The following PSMA2 variants were observed in gnomAD, a reference collection of about 807,000 sequenced individuals.
PSMA2 encodes the protein proteasome 20S subunit alpha 2.
Under a neutral mutation model 35.9 loss-of-function variants are expected in PSMA2, and 2 were observed. The ratio of observed to expected loss-of-function variants is 0.06; its 90% CI spans 0.02 to 0.18. PSMA2 has a LOEUF of 0.18. PSMA2 is among the 10% of genes least tolerant of loss of function. The pLI is 1.00. For synonymous variants in PSMA2, 97 were observed against 98.2 expected (o/e 0.99, Z 0.07); for missense variants, 126 against 278.8 (o/e 0.45, Z 3.90).
rs1228085845 is a variant in PSMA2, at chr7:42,917,495, T to A, written c.*79A>T. On this transcript the variant is annotated 3_prime_UTR_variant, in exon 8 of 8. Coordinates refer to ENST00000223321, the MANE Select transcript of PSMA2 (RefSeq NM_002787.5). The stretch of plus-strand genomic sequence containing the variant: ...CATGTAGAAATAAGTATGCAAAAAG[T>A]CTGCAAAACAAAACATACTTTAAAC... The A allele has an allele frequency of 9.2e-7, 1 of 1,092,080 alleles. No homozygotes were observed. The highest frequency in any genetic ancestry group is 2.0e-5 in the Admixed American group (1 of 50,818). 67.6% of individuals were successfully genotyped at this position (1,092,080 alleles called of 1,614,324 possible).
intron 6 of PSMA2, chr7:42,921,135 G>T (rs1157555154): frequency 6.6e-6 from 1 of 152,184 alleles, no homozygotes; most frequent in Admixed American, 6.5e-5. Context: ...TTTCAGAACA[G>T]CTAGAAGATC....
intron 1 of PSMA2, chr7:42,931,004 A>C (rs1443048658): frequency 6.6e-6 from 2 of 302,502 alleles, no homozygotes; most frequent in Non-Finnish European, 1.3e-5. Flanking sequence ...AGAGAAAAGT[A>C]CTTTTGGAAT....
chr7:42,924,305 G>C (rs777379055), intron 4 of PSMA2, among the ~76,000 whole-genome samples: 1 of 147,060 alleles, frequency 6.8e-6, no homozygotes, highest in East Asian at 2.0e-4. Flanking sequence ...AGTGAGCCGG[G>C]ATCATGCCAT....
At chr7:42,927,703 C>T (rs1433384845) in intron 1 of PSMA2, among the ~76,000 whole-genome samples, 2 of 152,102 alleles carry the variant, frequency 1.3e-5, no homozygotes, top group Non-Finnish European at 2.9e-5. Flanking sequence ...GTCAGGAGTT[C>T]GAGACCAGCC....
At chr7:42,926,134 A>G (rs653517) in intron 3 of PSMA2, among the ~76,000 whole-genome samples, 129,014 of 152,264 alleles carry the variant, frequency 0.85, 54,852 homozygotes, top group South Asian at 0.91. Context: ...AACTCTGGAT[A>G]GTGATACTTT....
chr7:42,926,033 C>T (rs567865480), intron 3 of PSMA2, among the ~76,000 whole-genome samples: 1 of 152,196 alleles, frequency 6.6e-6, no homozygotes, highest in Non-Finnish European at 1.5e-5. Flanking sequence ...GGTGATTACA[C>T]AAGCATTGGG....
At chr7:42,918,882 G>GGC in intron 6 of PSMA2, 1 of 179,258 alleles carries the variant, frequency 5.6e-6, no homozygotes, top group Non-Finnish European at 1.2e-5. Context: ...GGAGTGCAGT[G>GGC]GTGCAATCTT....
At chr7:42,923,853 C>T (rs1786164039) in intron 4 of PSMA2, among the ~76,000 whole-genome samples, 1 of 152,178 alleles carries the variant, frequency 6.6e-6, no homozygotes, top group Non-Finnish European at 1.5e-5. Context: ...TGACAATTTT[C>T]AGTTAATGCA....
chr7:42,922,708 G>T lies in PSMA2; in HGVS notation c.456+617C>A, dbSNP rs552138588. 2.2e-4 allele frequency among the ~76,000 whole-genome samples: 34 copies of T among 152,214 alleles called. No individual in the cohort carries two copies. The East Asian group carries it at 6.4e-3, about 29-fold the overall frequency. ...AAAAGTAGATTATAAGGTTTGCATT[G>T]AGTGAACCTGTAATTATCTAATAAT... On this transcript the variant is annotated intron_variant, in intron 5 of 7. Coordinates refer to ENST00000223321, the MANE Select transcript of PSMA2 (RefSeq NM_002787.5).
intron 3 of PSMA2, 41 bp from the exon 4 acceptor site, chr7:42,924,838 T>C: frequency 6.4e-7 from 1 of 1,571,900 alleles, no homozygotes; most frequent in Non-Finnish European, 8.7e-7. Flanking sequence ...CAGAACATGC[T>C]CTACTACCTG....
At position 42,926,793 on chromosome 7, in the gene PSMA2, C is replaced by T. The variant is rs913331127; in HGVS notation, c.119-125G>A. ...CTTTAATTTATAAAACCTTTTCTTC[C>T]GGAGTCCTATTACCAAAATTACCTA... On this transcript the variant is annotated intron_variant, in intron 2 of 7. Coordinates refer to ENST00000223321, the MANE Select transcript of PSMA2 (RefSeq NM_002787.5). The T allele has an allele frequency of 2.1e-5, 24 of 1,162,910 alleles. No individual in the cohort carries two copies. In the African/African-American group the frequency reaches 2.7e-4, roughly 13 times the overall value. 72.0% of individuals were successfully genotyped at this position (1,162,910 alleles called of 1,614,324 possible).
intron 6 of PSMA2, chr7:42,919,847 T>C (rs1354668249): frequency 1.3e-6 from 1 of 745,704 alleles, no homozygotes; most frequent in Admixed American, 1.7e-5. Flanking sequence ...CTGGTCCTAT[T>C]CACTGTGTGA....
chr7:42,921,180 T>C (rs1285335686), intron 6 of PSMA2: 3 of 152,206 alleles, frequency 2.0e-5, no homozygotes, highest in Admixed American at 2.0e-4. Context: ...AGACAGATGT[T>C]TGAGGTAATG....
At chr7:42,919,802 T>C (rs1191033512) in intron 6 of PSMA2, 9 of 689,442 alleles carry the variant, frequency 1.3e-5, no homozygotes, top group African/African-American at 1.1e-4. Context: ...ATGATGATAA[T>C]AGTGGAGAAG....
chr7:42,925,617 A>G (rs1285895550), intron 3 of PSMA2, among the ~76,000 whole-genome samples: 2 of 152,224 alleles, frequency 1.3e-5, no homozygotes, highest in Admixed American at 1.3e-4. Flanking sequence ...AAAATTTGTC[A>G]AAAGAGATTA....
chr7:42,924,372 A>G lies in PSMA2; in HGVS notation c.374+303T>C, dbSNP rs567690101. Among the ~76,000 whole-genome samples, 103 of 151,256 alleles carry G rather than the reference A, an allele frequency of 6.8e-4. 2 individuals carry two copies. The Middle Eastern group carries it at 0.014, about 20-fold the overall frequency. On this transcript the variant is annotated intron_variant, in intron 4 of 7. Coordinates refer to ENST00000223321, the MANE Select transcript of PSMA2 (RefSeq NM_002787.5). Reference sequence around the variant, plus strand: ...CTGACTCAAAAAAAAAAAAAAAAAAAAAAAAAAGAAAAATTTAAAGTTGCA... The same window carrying G: ...CTGACTCAAAAAAAAAAAAAAAAAAGAAAAAAAGAAAAATTTAAAGTTGCA...
intron 3 of PSMA2, 32 bp downstream of exon 3, chr7:42,926,504 T>C: frequency 1.3e-6 from 2 of 1,521,788 alleles, no homozygotes; most frequent in Non-Finnish European, 1.8e-6. Flanking sequence ...ATTCATGAGA[T>C]GGTGAGAAAC....
intron 1 of PSMA2, among the ~76,000 whole-genome samples, chr7:42,929,516 G>A (rs1170405161): frequency 1.3e-5 from 2 of 152,116 alleles, no homozygotes; most frequent in African/African-American, 2.4e-5. Flanking sequence ...TGAGCTGGCT[G>A]AGCAATCAAC....
chr7:42,926,154 C>T (rs956010933), intron 3 of PSMA2, among the ~76,000 whole-genome samples: 39 of 152,154 alleles, frequency 2.6e-4, no homozygotes, highest in Admixed American at 5.2e-4. Flanking sequence ...TCTTTTGTTG[C>T]CTCATACTTT....
Sources: allele counts gnomAD v4.1 joint callset (sites outside exome capture counted in the v4.1 genomes callset), GRCh38; gene constraint gnomAD v4.1.1; transcripts MANE v1.5; gene names NCBI Gene and HGNC (gene_info 2026-07-23, HGNC 2026-07-21).